Variants in FAM9A observed in about 807,000 individuals in gnomAD.
The protein encoded by FAM9A is protein FAM9A.
Under a neutral mutation model 25.0 loss-of-function variants are expected in FAM9A, and 49 were observed. The ratio of observed to expected loss-of-function variants is 1.96; its 90% CI spans 1.56 to 2.48. The LOEUF (loss-of-function observed/expected upper bound fraction) is 2.48, where lower values mean the gene tolerates loss of function less well. Ranked by LOEUF, FAM9A falls within the 30% of genes most tolerant of loss-of-function variation. The pLI, the probability that FAM9A is intolerant of heterozygous loss-of-function variation, is 0.00. For synonymous variants in FAM9A, 80 were observed against 85.1 expected (o/e 0.94, Z 0.33); for missense variants, 266 against 249.3 (o/e 1.07, Z -0.45).
intron 4 of FAM9A, 69 bp from the exon 5 acceptor site, chrX:8,798,250 T>C (rs2018496): frequency 0.36 from 436,121 of 1,198,414 alleles, 55,847 homozygotes; most frequent in East Asian, 0.58. Context: ...TGGGAAGATA[T>C]GTCTTATGTG....
At chrX:8,792,296 C>T (rs1282189780) in intron 8 of FAM9A, among the ~76,000 whole-genome samples, 1 of 110,316 alleles carries the variant, frequency 9.1e-6, no homozygotes, top group Non-Finnish European at 1.9e-5. Flanking sequence ...GGCTAGGAAG[C>T]ATTTTAGGAA....
chrX:8,795,185 C>A lies in FAM9A; in HGVS notation c.724G>T (p.Glu242Ter). The A allele has an allele frequency of 6.8e-6, 7 of 1,033,735 alleles. No individual in the cohort carries two copies. Among genetic ancestry groups the A allele is most frequent in the Non-Finnish European group, 9.2e-6 (7 of 758,765 alleles). The allele number at this position is 1,033,735 out of a possible 1,213,427, so 85.2% of individuals were successfully genotyped here. ...TCTCCTTCTTCTCCTCCTCCTTCTT[C>A]TTCTCCTTCTTCTTCCTCCTCTTCT... is the stretch of plus-strand genomic sequence containing the variant. ...EKEEEEEEGE[E>*]EGGGEEGEEG... Residue 242 changes from glutamate (E) to a stop codon, truncating the protein, a stop_gained, in exon 7 of 10, where the codon GAA becomes TAA. Coordinates refer to ENST00000381003, the MANE Select transcript of FAM9A (RefSeq NM_174951.3). LOFTEE classifies it high-confidence loss of function.
Position 8,795,146 on chromosome X carries a change from C to A in FAM9A, c.763G>T (p.Gly255Ter). Reference protein sequence around the residue: ...GGEEGEEGGGGGEGEETEEEE... With the variant: ...GGEEGEEGGG The stretch of plus-strand genomic sequence containing the variant: ...TCTTCTGTTTCTTCTCCTTCTCCTC[C>A]TCCTCCTCCTTCTTCTCCTTCTTCT... Residue 255 changes from glycine to a stop codon, truncating the protein, a stop_gained, in exon 7 of 10, where the codon GGA becomes TGA. Transcript: ENST00000381003. LOFTEE classifies it high-confidence loss of function. The A allele has an allele frequency of 9.2e-7, 1 of 1,085,875 alleles. No homozygotes were observed. The highest frequency in any genetic ancestry group is 3.1e-5 in the East Asian group (1 of 32,106). The allele number at this position is 1,085,875 out of a possible 1,213,427, so 89.5% of individuals were successfully genotyped here.
At chrX:8,795,033 A>G (rs1170315976) in intron 7 of FAM9A, 45 bp downstream of exon 7, 2 of 1,143,712 alleles carry the variant, frequency 1.7e-6, no homozygotes, top group African/African-American at 3.6e-5. Flanking sequence ...ACTACCTGAG[A>G]CATTGATACA....
chrX:8,800,094 C>A lies in FAM9A; in HGVS notation c.78G>T (p.Gly26=), dbSNP rs1268328628. 1 of 1,208,849 alleles carries A rather than the reference C, an allele frequency of 8.3e-7. No individual in the cohort carries two copies. Among genetic ancestry groups the A allele is most frequent in the Non-Finnish European group, 1.1e-6 (1 of 894,301 alleles). Residue 26 remains glycine, a synonymous_variant, in exon 2 of 10, where the codon GGG becomes GGT. Coordinates refer to ENST00000381003, the MANE Select transcript of FAM9A (RefSeq NM_174951.3). ...QLEAQVTAAQ[G]ATKEGSGIAS... ...TTGGGCGTGCACCTTCTTTCGTGGC[C>A]CCCTGGGCGGCCGTAACTTGAGCTT...
intron 8 of FAM9A, among the ~76,000 whole-genome samples, chrX:8,792,856 T>C (rs1933485135): frequency 8.9e-6 from 1 of 112,432 alleles, no homozygotes; most frequent in Admixed American, 9.4e-5. Context: ...GTTACCTAAA[T>C]AATGTACATC....
chrX:8,791,862 T>C lies in FAM9A; in HGVS notation c.931-483A>G, dbSNP rs146675268. Among the ~76,000 whole-genome samples, 948 of 111,913 alleles carry C rather than the reference T, an allele frequency of 8.5e-3. 7 individuals are homozygous for C. The highest frequency in any genetic ancestry group is 0.029 in the African/African-American group (907 of 30,786). ...CCTCAACAAATAGTTCAACAGTTCC[T>C]ACTCCTGAAAATGGTGTATGTTAAT... On this transcript the variant is annotated intron_variant, in intron 8 of 9. Coordinates refer to ENST00000381003, the MANE Select transcript of FAM9A (RefSeq NM_174951.3).
intron 8 of FAM9A, among the ~76,000 whole-genome samples, chrX:8,792,123 G>T (rs745991846): frequency 6.3e-5 from 7 of 111,569 alleles, no homozygotes; most frequent in Non-Finnish European, 1.3e-4. Flanking sequence ...CATGAGAAAA[G>T]CATAAGAGTA....
In FAM9A at chrX:8,793,773, A is replaced by G. The variant is rs762306133; in HGVS notation, c.832-17T>C. On this transcript the variant is annotated splice_polypyrimidine_tract_variant and intron_variant, in intron 7 of 9. Coordinates refer to ENST00000381003, the MANE Select transcript of FAM9A (RefSeq NM_174951.3). ...AAATGCTTTCTAGAAGCACAAAAAA[A>G]TAGTGATGAAAATTGGGTAATTTTT... is the stretch of plus-strand genomic sequence containing the variant. 2 of 1,109,707 alleles carry G rather than the reference A, an allele frequency of 1.8e-6. No individual in the cohort carries two copies. Among genetic ancestry groups the G allele is most frequent in the African/African-American group, 3.6e-5 (2 of 55,226 alleles). The allele number at this position is 1,109,707 out of a possible 1,213,427, so 91.5% of individuals were successfully genotyped here.
chrX:8,798,733 G>A (rs1425961268), intron 3 of FAM9A, among the ~76,000 whole-genome samples: 1 of 112,866 alleles, frequency 8.9e-6, no homozygotes, highest in East Asian at 2.8e-4. Flanking sequence ...CCATGGAGAA[G>A]AGCTGCTCTG....
At chrX:8,798,872 G>GTC in intron 3 of FAM9A, 94 bp downstream of exon 3, 1 of 1,172,443 alleles carries the variant, frequency 8.5e-7, no homozygotes, top group Non-Finnish European at 1.1e-6. Flanking sequence ...GGGGCCAGGG[G>GTC]TCTCGGGCTG....
rs966359972 is a variant in FAM9A at position 8,801,320 on chromosome X, C to T, written c.-48G>A. On this transcript the variant is annotated 5_prime_UTR_variant, in exon 1 of 10. Coordinates refer to ENST00000381003, the MANE Select transcript of FAM9A (RefSeq NM_174951.3). ...ACCGCGAGCGCTTCACCTGAGGGAC[C>T]CCTGATGCCGCTTCCTCACAGAACC... The T allele has an allele frequency of 9.0e-6, 1 of 111,080 alleles. No individual in the cohort carries two copies. Among genetic ancestry groups the T allele is most frequent in the South Asian group, 3.9e-4 (1 of 2,551 alleles). The allele number at this position is 111,080 out of a possible 1,213,427, so 9.2% of individuals were successfully genotyped here.
In FAM9A at chrX:8,795,166, T is replaced by TCTTCTCCTC; in HGVS notation, c.734_742dup (p.Gly245_Glu247dup). The TCTTCTCCTC allele has an allele frequency of 2.9e-6, 3 of 1,049,567 alleles. No individual in the cohort carries two copies. Among genetic ancestry groups the TCTTCTCCTC allele is most frequent in the Non-Finnish European group, 3.9e-6 (3 of 769,636 alleles). The allele number at this position is 1,049,567 out of a possible 1,213,427, so 86.5% of individuals were successfully genotyped here. ...TCCTCCTCCTCCTCCTTCTTCTCCT[T>TCTTCTCCTC]CTTCTCCTCCTCCTTCTTCTTCTCC... On this transcript the variant is annotated inframe_insertion, in exon 7 of 10. Coordinates refer to ENST00000381003, the MANE Select transcript of FAM9A (RefSeq NM_174951.3).
chrX:8,800,023 G>A (rs1338109047), intron 2 of FAM9A, 58 bp downstream of exon 2: 20 of 1,153,470 alleles, frequency 1.7e-5, no homozygotes, highest in Non-Finnish European at 2.1e-5. Context: ...CAGGGGTCTC[G>A]GGCTGCCCAT....
Position 8,798,361 on chromosome X carries a change from C to A in FAM9A, c.339G>T (p.Thr113=). The change falls in exon 4 of 10, where the codon ACG becomes ACT. Residue 113 remains threonine, a splice_region_variant and synonymous_variant. Transcript: ENST00000381003. ...REPFAEKDEH[T]GIHTMKLEHI... ...CAAAAGTGACTTAAACACTTTACCCCGTGTGTTCATCTTTTTCAGCAAAAG... is the reference window on the plus strand; with the variant it reads ...CAAAAGTGACTTAAACACTTTACCCAGTGTGTTCATCTTTTTCAGCAAAAG... The A allele has an allele frequency of 8.3e-7, 1 of 1,211,177 alleles. No individual in the cohort carries two copies. Among genetic ancestry groups the A allele is most frequent in the Non-Finnish European group, 1.1e-6 (1 of 895,447 alleles).
At chrX:8,794,763 C>A (rs1213625009) in intron 7 of FAM9A, among the ~76,000 whole-genome samples, 1 of 112,132 alleles carries the variant, frequency 8.9e-6, no homozygotes, top group Non-Finnish European at 1.9e-5. Context: ...CCCATCCCTG[C>A]ATCTATGCCC....
rs185811518 is a variant in FAM9A, at chrX:8,792,976, C to T, written c.930+682G>A. ...TTGCTGGCTTTCCCATTCTGTTATA[C>T]ATCTGAACCATCTCTTATGACTACA... On this transcript the variant is annotated intron_variant, in intron 8 of 9. Coordinates refer to ENST00000381003, the MANE Select transcript of FAM9A (RefSeq NM_174951.3). Among the ~76,000 whole-genome samples the T allele has an allele frequency of 2.3e-4, 26 of 112,464 alleles. No individual in the cohort carries two copies. In the East Asian group the frequency reaches 7.3e-3, roughly 31 times the overall value.
rs1933532671 is a variant in FAM9A, at chrX:8,796,311, T to C, written c.445A>G (p.Lys149Glu). The C allele has an allele frequency of 8.3e-7, 1 of 1,206,651 alleles. No homozygotes were observed. Residue 149 changes from lysine to glutamate, a missense_variant, in exon 6 of 10, where the codon AAG becomes GAG. Coordinates refer to ENST00000381003, the MANE Select transcript of FAM9A (RefSeq NM_174951.3). Reference protein sequence around the residue: ...KIDKAAYRKTKNTIERALKKK... With the variant: ...KIDKAAYRKTENTIERALKKK... ...TTCAAAGCACGTTCAATTGTGTTCT[T>C]GGTTTTCCTGTAAGCTGCTTTATCT... is the stretch of plus-strand genomic sequence containing the variant.
rs1233856432 is a variant in FAM9A, at chrX:8,798,877, G to C, written c.220+89C>G. ...AAGCCACGAAGGGGCCAGGGGTCTC[G>C]GGCTGCCCATGTGCCTCCCGCGCAA... is the stretch of plus-strand genomic sequence containing the variant. On this transcript the variant is annotated intron_variant, in intron 3 of 9. Coordinates refer to ENST00000381003, the MANE Select transcript of FAM9A (RefSeq NM_174951.3). 8 of 1,180,134 alleles carry C rather than the reference G, an allele frequency of 6.8e-6. No individual in the cohort carries two copies. In the East Asian group the frequency reaches 1.5e-4, roughly 22 times the overall value.
Sources: allele counts gnomAD v4.1 joint callset (sites outside exome capture counted in the v4.1 genomes callset), GRCh38; gene constraint gnomAD v4.1.1; transcripts MANE v1.5; gene names NCBI Gene and HGNC (gene_info 2026-07-23, HGNC 2026-07-21).